Variants in CLASP1 observed in about 807,000 individuals in gnomAD.
CLASP1 encodes the protein cytoplasmic linker associated protein 1.
A neutral mutation model predicts 192.3 loss-of-function variants in CLASP1; 38 were observed. The ratio of observed to expected loss-of-function variants is 0.20; its 90% CI spans 0.15 to 0.26. The LOEUF (loss-of-function observed/expected upper bound fraction) is 0.26, where lower values mean the gene tolerates loss of function less well. CLASP1 is among the 10% of genes least tolerant of loss of function. The pLI, the probability that CLASP1 is intolerant of heterozygous loss-of-function variation, is 1.00. For missense variants in CLASP1, 1,433 were observed against 1,932.5 expected, an observed-to-expected ratio of 0.74 and a Z score of 4.85; for synonymous variants, 691 against 712.8, an observed-to-expected ratio of 0.97 and a Z score of 0.49.
At chr2:121,388,010 G>C in intron 30 of CLASP1, 104 bp from the exon 32 acceptor site, 1 of 879,888 alleles carries the variant, frequency 1.1e-6, no homozygotes, top group Non-Finnish European at 1.7e-6. Context: ...TCACTAATAA[G>C]AGGGCATTCT....
intron 37 of CLASP1, among the ~76,000 whole-genome samples, chr2:121,360,497 C>T (rs751619284): frequency 2.2e-4 from 33 of 150,888 alleles, no homozygotes; most frequent in Admixed American, 3.3e-4. Flanking sequence ...GCCTACAACA[C>T]AAACTTTATG....
intron 1 of CLASP1, among the ~76,000 whole-genome samples, chr2:121,647,222 G>T (rs1239525170): frequency 6.6e-5 from 10 of 151,942 alleles, no homozygotes; most frequent in African/African-American, 2.2e-4. Context: ...ACAAAAATTA[G>T]CTGGGCATGG....
intron 2 of CLASP1, among the ~76,000 whole-genome samples, chr2:121,597,667 A>G (rs1159442145): frequency 1.3e-5 from 2 of 152,204 alleles, no homozygotes; most frequent in African/African-American, 4.8e-5. Context: ...AGTGCTTTGA[A>G]TTTTGAAACT....
intron 1 of CLASP1, among the ~76,000 whole-genome samples, chr2:121,629,910 G>A (rs188953265): frequency 2.6e-5 from 4 of 152,158 alleles, no homozygotes; most frequent in African/African-American, 9.6e-5. Flanking sequence ...ACACTAAAAT[G>A]TTAATACTAT....
At chr2:121,449,193 C>G in intron 16 of CLASP1, 73 bp from the exon 17 acceptor site, 1 of 1,338,894 alleles carries the variant, frequency 7.5e-7, no homozygotes, top group Non-Finnish European at 1.0e-6. Flanking sequence ...CTGGAGTACA[C>G]CACAGAAGAT....
chr2:121,519,795 G>T (rs924362265), intron 6 of CLASP1, among the ~76,000 whole-genome samples: 2 of 152,226 alleles, frequency 1.3e-5, no homozygotes, highest in Admixed American at 6.5e-5. Context: ...AACTGCAGAT[G>T]AACAGGTATT....
chr2:121,442,565 C>T (rs890175927), intron 19 of CLASP1, among the ~76,000 whole-genome samples: 6 of 152,002 alleles, frequency 3.9e-5, no homozygotes, highest in South Asian at 4.2e-4. Context: ...CTACAACCTC[C>T]GCCTCCTGGG....
intron 4 of CLASP1, 65 bp downstream of exon 4, chr2:121,528,612 A>G (rs1170218903): frequency 1.6e-6 from 2 of 1,227,806 alleles, no homozygotes; most frequent in African/African-American, 3.0e-5. Flanking sequence ...GTACACACAC[A>G]CACCCTCGCA....
intron 2 of CLASP1, among the ~76,000 whole-genome samples, chr2:121,593,963 GCGCCAC>G (rs2062771162): frequency 6.7e-6 from 1 of 149,950 alleles, no homozygotes; most frequent in Non-Finnish European, 1.5e-5. Context: ...AGCCGAGATC[GCGCCAC>G]TGCACTCCAG....
At position 121,410,842 on chromosome 2, in the gene CLASP1, GTACA is replaced by G. The variant is rs760891645; in HGVS notation, c.2424+20_2424+23del. ...CAGATGAGTATTTCAAAAAGACTGT[GTACA>G]TACATACTGTGCCTCTTACCAAAGC... On this transcript the variant is annotated intron_variant, in intron 24 of 39. Transcript: ENST00000263710. 8.3e-6 allele frequency: 12 copies of G among 1,446,084 alleles called. No individual in the cohort carries two copies. In the East Asian group the frequency reaches 2.3e-4, roughly 28 times the overall value. The allele number at this position is 1,446,084 out of a possible 1,614,324, so 89.6% of individuals were successfully genotyped here. A position where few individuals can be genotyped will look rare whatever the true frequency, so the allele number is the denominator to read the frequency against.
chr2:121,428,395 G>A (rs1021765046), intron 20 of CLASP1, among the ~76,000 whole-genome samples: 2 of 152,138 alleles, frequency 1.3e-5, no homozygotes, highest in African/African-American at 2.4e-5. Flanking sequence ...ACATGCTTAG[G>A]CATTTTTTAT....
At chr2:121,341,035 G>GA in intron 39 of CLASP1, 88 bp from the exon 41 acceptor site, 1 of 831,152 alleles carries the variant, frequency 1.2e-6, no homozygotes, top group Non-Finnish European at 2.0e-6. Context: ...TGACAGTAAG[G>GA]AAACAGCAAG....
At chr2:121,640,632 T>G (rs1404131704) in intron 1 of CLASP1, among the ~76,000 whole-genome samples, 1 of 152,020 alleles carries the variant, frequency 6.6e-6, no homozygotes, top group African/African-American at 2.4e-5. Flanking sequence ...GCAGCATACC[T>G]TTCCCCAAGG....
chr2:121,455,832 AG>A (rs1427957219), intron 14 of CLASP1, among the ~76,000 whole-genome samples: 1 of 152,126 alleles, frequency 6.6e-6, no homozygotes, highest in African/African-American at 2.4e-5. Flanking sequence ...ACTGCACTCT[AG>A]CCTGGGTGAC....
In CLASP1 at chr2:121,422,137, T is replaced by C. The variant is rs543176600; in HGVS notation, c.2212+3002A>G. ...GGTTTACATTTCTTGATAGACACTC[T>C]ACCCTACTTCAGTGTTTTAATGGTA... On this transcript the variant is annotated intron_variant, in intron 22 of 39. Coordinates refer to ENST00000263710, the Ensembl canonical transcript of CLASP1. Among the ~76,000 whole-genome samples the C allele has an allele frequency of 9.8e-5, 15 of 152,342 alleles. 1 individual carries two copies. The highest frequency in any genetic ancestry group is 3.4e-4 in the African/African-American group (14 of 41,586).
intron 23 of CLASP1, among the ~76,000 whole-genome samples, chr2:121,413,237 G>T (rs989989524): frequency 6.6e-6 from 1 of 151,988 alleles, no homozygotes; most frequent in African/African-American, 2.4e-5. Flanking sequence ...TCCAAGCCTG[G>T]GCAACAGAGT....
chr2:121,574,634 C>CAAAAAAAA (rs1173756631), intron 2 of CLASP1, among the ~76,000 whole-genome samples: 2 of 79,018 alleles, frequency 2.5e-5, no homozygotes, highest in East Asian at 3.3e-4. Context: ...GACTCCATAT[C>CAAAAAAAA]AAAAAAAAAA....
chr2:121,614,317 G>A (rs1466531532), intron 1 of CLASP1, among the ~76,000 whole-genome samples: 1 of 152,116 alleles, frequency 6.6e-6, no homozygotes, highest in Non-Finnish European at 1.5e-5. Flanking sequence ...TCCACATGGT[G>A]AAACCCCATC....
At chr2:121,514,741 G>A (rs904577761) in intron 7 of CLASP1, among the ~76,000 whole-genome samples, 3 of 152,160 alleles carry the variant, frequency 2.0e-5, no homozygotes, top group African/African-American at 7.2e-5. Context: ...CAAGACAGTT[G>A]ACTCCTGTAT....
Sources: allele counts gnomAD v4.1 joint callset (sites outside exome capture counted in the v4.1 genomes callset), GRCh38; gene constraint gnomAD v4.1.1; transcripts MANE v1.5; gene names NCBI Gene and HGNC (gene_info 2026-07-23, HGNC 2026-07-21).